BANK1: variants seen among roughly 807,000 people sequenced by gnomAD.
BANK1 encodes B-cell scaffold protein with ankyrin repeats.
Under a neutral mutation model 94.5 loss-of-function variants are expected in BANK1, and 95 were observed. The observed-to-expected ratio is 1.00, with a 90% CI of 0.85 to 1.19. The LOEUF (loss-of-function observed/expected upper bound fraction) is 1.19, where lower values mean the gene tolerates loss of function less well. BANK1 is among the 50% of genes most tolerant of loss of function. BANK1 has a pLI of 0.00. For synonymous variants in BANK1, 334 were observed against 308.4 expected (o/e 1.08, Z -0.87); for missense variants, 987 against 932.2 (o/e 1.06, Z -0.77).
intron 5 of BANK1, among the ~76,000 whole-genome samples, chr4:101,877,548 G>A (rs1578373151): frequency 6.6e-6 from 1 of 152,116 alleles, no homozygotes; most frequent in Non-Finnish European, 1.5e-5. Flanking sequence ...AACTTAAGGT[G>A]TAGATCCTGT....
At chr4:101,977,899 C>T (rs1725188765) in intron 7 of BANK1, among the ~76,000 whole-genome samples, 1 of 152,050 alleles carries the variant, frequency 6.6e-6, no homozygotes, top group Admixed American at 6.6e-5. Flanking sequence ...CCTCAAATTT[C>T]AACAAATACC....
Position 101,943,484 on chromosome 4 carries a change from G to T in BANK1, c.1206+25295G>T, listed in dbSNP as rs540662114. Among the ~76,000 whole-genome samples, 166 of 151,970 alleles carry T rather than the reference G, an allele frequency of 1.1e-3. 1 individual carries two copies. The highest frequency in any genetic ancestry group is 3.5e-3 in the African/African-American group (146 of 41,504). On this transcript the variant is annotated intron_variant, in intron 7 of 16. Transcript: ENST00000322953. ...ACAACAGGTCATGGTGGGTGGATTG[G>T]TGTGGGGATGGAAGGGACAGAAGGC...
intron 7 of BANK1, among the ~76,000 whole-genome samples, chr4:101,958,380 G>C (rs902143360): frequency 2.0e-5 from 3 of 150,234 alleles, no homozygotes; most frequent in Non-Finnish European, 4.4e-5. Context: ...AAACAAGTCT[G>C]AGATTAAAAC....
chr4:102,002,886 T>C (rs528084658), intron 7 of BANK1, among the ~76,000 whole-genome samples: 1 of 152,312 alleles, frequency 6.6e-6, no homozygotes, highest in East Asian at 1.9e-4. Flanking sequence ...GTGATTCTCA[T>C]GTCCAGCTTC....
chr4:102,004,125 A>T (rs1358255638), intron 7 of BANK1, among the ~76,000 whole-genome samples: 1 of 152,002 alleles, frequency 6.6e-6, no homozygotes, highest in Non-Finnish European at 1.5e-5. Flanking sequence ...TCTGCCCTCC[A>T]CTAGAATGAA....
At chr4:101,939,615 T>C (rs1228789447) in intron 7 of BANK1, among the ~76,000 whole-genome samples, 3 of 151,594 alleles carry the variant, frequency 2.0e-5, no homozygotes, top group African/African-American at 7.3e-5. Flanking sequence ...GTGACTAACA[T>C]CACTTTCTCT....
At chr4:102,002,524 G>A (rs541034476) in intron 7 of BANK1, among the ~76,000 whole-genome samples, 19 of 148,320 alleles carry the variant, frequency 1.3e-4, no homozygotes, top group African/African-American at 4.3e-4. Flanking sequence ...ATTTTTGATG[G>A]TAGACAATAT....
At chr4:101,893,533 A>G (rs146914546) in intron 5 of BANK1, among the ~76,000 whole-genome samples, 1 of 152,084 alleles carries the variant, frequency 6.6e-6, no homozygotes, top group African/African-American at 2.4e-5. Flanking sequence ...TATGATTTTC[A>G]TATATTTAAA....
intron 2 of BANK1, among the ~76,000 whole-genome samples, chr4:101,837,355 A>G (rs1047460981): frequency 6.6e-6 from 1 of 152,186 alleles, no homozygotes; most frequent in Non-Finnish European, 1.5e-5. Context: ...TCTCTAAGAA[A>G]CTAATAGTTC....
chr4:102,054,365 T>C (rs1184433262), intron 11 of BANK1, among the ~76,000 whole-genome samples: 2 of 152,204 alleles, frequency 1.3e-5, no homozygotes, highest in East Asian at 3.9e-4. Context: ...ACATTACATA[T>C]ATTAGCTCCT....
At chr4:102,021,360 G>A (rs1375572183) in intron 7 of BANK1, among the ~76,000 whole-genome samples, 154 bp from the exon 8 acceptor site, 2 of 151,902 alleles carry the variant, frequency 1.3e-5, no homozygotes, top group Non-Finnish European at 2.9e-5. Flanking sequence ...TTAGTACTAT[G>A]TGCCATTGAG....
At chr4:101,980,096 T>G (rs1725278945) in intron 7 of BANK1, among the ~76,000 whole-genome samples, 2 of 151,824 alleles carry the variant, frequency 1.3e-5, no homozygotes, top group Non-Finnish European at 2.9e-5. Flanking sequence ...TATTTTTCTT[T>G]TGAGTTTGAT....
chr4:101,896,511 G>C (rs77995426), intron 6 of BANK1, among the ~76,000 whole-genome samples: 2 of 151,832 alleles, frequency 1.3e-5, no homozygotes, highest in Admixed American at 1.3e-4. Context: ...GTGAGGTTCC[G>C]TTAGGAAGAA....
At chr4:102,007,146 T>TATATATATATATATATATATATA (rs1560682317) in intron 7 of BANK1, among the ~76,000 whole-genome samples, 597 of 37,292 alleles carry the variant, frequency 0.016, 10 homozygotes, top group Non-Finnish European at 0.031. Context: ...AAAATATATT[T>TATATATATATATATATATATATA]TATATATATA....
At chr4:101,920,163 T>C (rs368182177) in intron 7 of BANK1, among the ~76,000 whole-genome samples, 1 of 151,796 alleles carries the variant, frequency 6.6e-6, no homozygotes, top group East Asian at 1.9e-4. Flanking sequence ...TAGGTGGGAA[T>C]TGAACAGTGA....
At position 102,030,162 on chromosome 4, in the gene BANK1, A is replaced by T; in HGVS notation, c.1797A>T (p.Lys599Asn). 1 of 1,614,156 alleles carries T rather than the reference A, an allele frequency of 6.2e-7. No individual in the cohort carries two copies. Among genetic ancestry groups the T allele is most frequent in the Non-Finnish European group, 8.5e-7 (1 of 1,179,996 alleles). ...DMILANLSIK[K>N]KTGSRSFIIN... Reference sequence around the variant, plus strand: ...TATTGGCCAATCTGAGTATAAAGAAAAAAACTGGGAGTCGGTCTTTCATTA... The same window carrying T: ...TATTGGCCAATCTGAGTATAAAGAATAAAACTGGGAGTCGGTCTTTCATTA... The change falls in exon 10 of 17, where the codon AAA (lysine) becomes AAT (asparagine). Residue 599 changes from lysine to asparagine, a missense_variant. Transcript: ENST00000322953.
rs2148923312 is a variant in BANK1, at chr4:101,971,646, T to A, written c.1207-49868T>A. Among the ~76,000 whole-genome samples, 2 of 152,242 alleles carry A rather than the reference T, an allele frequency of 1.3e-5. 1 individual carries two copies. Among genetic ancestry groups the A allele is most frequent in the South Asian group, 4.1e-4 (2 of 4,830 alleles). On this transcript the variant is annotated intron_variant, in intron 7 of 16. Transcript: ENST00000322953. ...TGGTTTTACATTTAAGTATTTATAA[T>A]CCACTTTGAGTTGATTTTTGTATAT...
Position 102,002,544 on chromosome 4 carries a change from T to TACAC in BANK1, c.1207-18928_1207-18925dup, listed in dbSNP as rs10559889. ...TGATGGTAGACAATATTAATACAAATACACACACACACACACACACACACA... is the reference window on the plus strand; with the variant it reads ...TGATGGTAGACAATATTAATACAAATACACACACACACACACACACACACACACA... On this transcript the variant is annotated intron_variant, in intron 7 of 16. Transcript: ENST00000322953. 5.5e-4 allele frequency among the ~76,000 whole-genome samples: 82 copies of TACAC among 148,130 alleles called. No homozygotes were observed. The East Asian group carries it at 0.01, about 18-fold the overall frequency.
At chr4:101,871,778 T>A (rs1034809448) in intron 5 of BANK1, among the ~76,000 whole-genome samples, 2 of 152,126 alleles carry the variant, frequency 1.3e-5, no homozygotes, top group African/African-American at 4.8e-5. Flanking sequence ...TTAATAAAGG[T>A]AATATATTGC....
Sources: gnomAD v4.1 joint callset for allele counts (sites outside exome capture counted in the v4.1 genomes callset) on GRCh38, gnomAD v4.1.1 for gene constraint, MANE v1.5 for transcripts, NCBI Gene and HGNC (gene_info 2026-07-23, HGNC 2026-07-21) for gene names.